Variants in XDH observed in about 807,000 individuals in gnomAD.
The protein encoded by XDH is xanthine dehydrogenase, also known as xanthine dehydrogenase/oxidase.
A neutral mutation model predicts 156.1 loss-of-function variants in XDH; 138 were observed. The observed-to-expected ratio is 0.88, with a 90% confidence interval of 0.77 to 1.02. XDH has a LOEUF of 1.02. Ranked by LOEUF, XDH falls within the 50% of genes least tolerant of loss-of-function variation. The probability of loss-of-function intolerance (pLI) is 0.00; values close to 1 mark genes in which losing one functional copy is unlikely to be tolerated. For synonymous variants in XDH, 669 were observed against 625.7 expected (o/e 1.07, Z -1.03); for missense variants, 1,849 against 1,684.9 (o/e 1.10, Z -1.71).
At chr2:31,350,700 C>T (rs1215603470) in intron 24 of XDH, among the ~76,000 whole-genome samples, 1 of 152,196 alleles carries the variant, frequency 6.6e-6, no homozygotes, top group Non-Finnish European at 1.5e-5. Context: ...TATCCACCCA[C>T]TAGTCCCCTC....
At chr2:31,348,795 G>T in intron 27 of XDH, 104 bp downstream of exon 27, 2 of 1,006,184 alleles carry the variant, frequency 2.0e-6, no homozygotes, top group Non-Finnish European at 3.1e-6. Context: ...CCTCCAGTAA[G>T]CCCTGTTACC....
intron 1 of XDH, among the ~76,000 whole-genome samples, chr2:31,412,826 T>A (rs1040281634): frequency 6.6e-6 from 1 of 152,212 alleles, no homozygotes; most frequent in African/African-American, 2.4e-5. Flanking sequence ...CTTTCTGCAT[T>A]GCCCCTCTAC....
chr2:31,383,658 A>G lies in XDH; in HGVS notation c.886+97T>C, dbSNP rs1686502896. On this transcript the variant is annotated intron_variant, in intron 10 of 35. Coordinates refer to ENST00000379416, the MANE Select transcript of XDH (RefSeq NM_000379.4). ...CCCAGGAGAAGCAGGGGGCAGCCAG[A>G]GCCAGTGGGGAGACCACCCTGATAC... 3.4e-6 allele frequency: 4 copies of G among 1,162,592 alleles called. No homozygotes were observed. The South Asian group carries it at 5.2e-5, about 15-fold the overall frequency. The allele number at this position is 1,162,592 out of a possible 1,614,324, so 72.0% of individuals were successfully genotyped here. A position where few individuals can be genotyped will look rare whatever the true frequency, so the allele number is the denominator to read the frequency against.
intron 3 of XDH, among the ~76,000 whole-genome samples, chr2:31,401,784 A>T (rs908752594): frequency 2.0e-5 from 3 of 152,344 alleles, no homozygotes; most frequent in Non-Finnish European, 2.9e-5. Flanking sequence ...CTGTGGGGAA[A>T]GGGGGAGGAA....
intron 24 of XDH, among the ~76,000 whole-genome samples, chr2:31,350,581 G>A (rs531496456): frequency 4.6e-5 from 7 of 151,868 alleles, no homozygotes; most frequent in South Asian, 2.1e-4. Context: ...TCACCATGTT[G>A]GCCTGGAAGG....
chr2:31,395,543 T>C (rs1686879857), intron 6 of XDH, among the ~76,000 whole-genome samples: 2 of 152,198 alleles, frequency 1.3e-5, no homozygotes, highest in African/African-American at 4.8e-5. Context: ...CTCCAACATT[T>C]ACTGTGAGGA....
chr2:31,360,777 G>A (rs1685756246), intron 24 of XDH, among the ~76,000 whole-genome samples: 2 of 151,988 alleles, frequency 1.3e-5, no homozygotes, highest in African/African-American at 2.4e-5. Flanking sequence ...TATAACAAGG[G>A]GTTCAGTACT....
chr2:31,383,828 C>G lies in XDH; in HGVS notation c.813G>C (p.Lys271Asn), dbSNP rs1292172865. The G allele has an allele frequency of 6.2e-7, 1 of 1,614,068 alleles. No homozygotes were observed. Among genetic ancestry groups the G allele is most frequent in the Non-Finnish European group, 8.5e-7 (1 of 1,180,014 alleles). Residue 271 changes from lysine (K) to asparagine (N), a missense_variant, in exon 10 of 36, where the codon AAG (lysine) becomes AAC (asparagine). By Grantham distance (94) the Lys-to-Asn change is moderately conservative. Transcript: ENST00000379416. ...NTEIGIEMKF[K>N]NMLFPMIVCP... is the part of the protein sequence containing the mutation. ...AGACAATCATAGGAAACAGCATATT[C>G]TTGAACTTCATCTCAATGCCTAGAG...
intron 9 of XDH, among the ~76,000 whole-genome samples, chr2:31,385,030 A>G (rs1686549428): frequency 6.6e-6 from 1 of 152,126 alleles, no homozygotes; most frequent in Non-Finnish European, 1.5e-5. Context: ...TTGGAATCCA[A>G]CTGGGCCCAG....
At chr2:31,407,150 C>T (rs541022867) in intron 1 of XDH, among the ~76,000 whole-genome samples, 123 of 152,282 alleles carry the variant, frequency 8.1e-4, no homozygotes, top group African/African-American at 2.9e-3. Context: ...GGAATATTTG[C>T]CTCCCACCTC....
intron 6 of XDH, among the ~76,000 whole-genome samples, chr2:31,390,445 C>A (rs45557137): frequency 6.6e-6 from 1 of 152,172 alleles, no homozygotes; most frequent in Non-Finnish European, 1.5e-5. Flanking sequence ...TAAGTTTTGG[C>A]AATTATGAGT....
rs1470415877 is a variant in XDH at position 31,366,910 on chromosome 2, A to T, written c.2282T>A (p.Met761Lys). 1.2e-6 allele frequency: 2 copies of T among 1,614,222 alleles called. No homozygotes were observed. The highest frequency in any genetic ancestry group is 3.3e-5 in the Admixed American group (2 of 60,034). ...IAVPKGEAGE[M>K]ELFVSTQNTM... ...GTTCTGTGTAGACACAAAGAGCTCC[A>T]TCTCCCCTGCCTCGCCTTTTGGAAC... The change falls in exon 21 of 36, where the codon ATG (methionine) becomes AAG (lysine). Residue 761 changes from methionine to lysine, a missense_variant. Coordinates refer to ENST00000379416, the MANE Select transcript of XDH (RefSeq NM_000379.4).
At chr2:31,352,951 C>T (rs1685522796) in intron 24 of XDH, among the ~76,000 whole-genome samples, 1 of 148,600 alleles carries the variant, frequency 6.7e-6, no homozygotes, top group Admixed American at 6.8e-5. Flanking sequence ...GAACTCCTGA[C>T]CTCAAGTGAT....
intron 24 of XDH, among the ~76,000 whole-genome samples, chr2:31,351,255 TA>T (rs1330111552): frequency 3.3e-5 from 5 of 152,208 alleles, no homozygotes; most frequent in African/African-American, 9.7e-5. Flanking sequence ...CTCTTGATAA[TA>T]TTTTTTTCAC....
chr2:31,414,706 C>A lies in XDH; in HGVS notation c.-40G>T. 6.2e-7 allele frequency: 1 copy of A among 1,613,364 alleles called. No homozygotes were observed. Among genetic ancestry groups the A allele is most frequent in the Non-Finnish European group, 8.5e-7 (1 of 1,179,316 alleles). ...GTCCCCGAACTCCAGGTACCTCACT[C>A]CTAAGAGACACTGGCAGGTAGTTAT... On this transcript the variant is annotated 5_prime_UTR_variant, in exon 1 of 36. Coordinates refer to ENST00000379416, the MANE Select transcript of XDH (RefSeq NM_000379.4).
intron 24 of XDH, among the ~76,000 whole-genome samples, chr2:31,356,266 A>G (rs1685618819): frequency 1.3e-5 from 2 of 152,208 alleles, no homozygotes; most frequent in African/African-American, 4.8e-5. Context: ...CACCATCAGG[A>G]TCTAGTGGAT....
chr2:31,408,983 A>T (rs1437057963), intron 1 of XDH, among the ~76,000 whole-genome samples: 1 of 152,244 alleles, frequency 6.6e-6, no homozygotes, highest in Non-Finnish European at 1.5e-5. Flanking sequence ...TGTCATTTGC[A>T]ACAACATGGA....
At chr2:31,387,333 G>A (rs1347185668) in intron 8 of XDH, among the ~76,000 whole-genome samples, 1 of 152,102 alleles carries the variant, frequency 6.6e-6, no homozygotes, top group African/African-American at 2.4e-5. Flanking sequence ...GGTGTGAGGG[G>A]GTTTCCTTAA....
intron 9 of XDH, among the ~76,000 whole-genome samples, chr2:31,385,518 T>G (rs796683010): frequency 6.6e-6 from 1 of 152,216 alleles, no homozygotes; most frequent in Non-Finnish European, 1.5e-5. Context: ...AGGACCTGAC[T>G]GCTTAGAAGG....
Sources: allele counts gnomAD v4.1 joint callset (sites outside exome capture counted in the v4.1 genomes callset), GRCh38; gene constraint gnomAD v4.1.1; transcripts MANE v1.5; gene names NCBI Gene and HGNC (gene_info 2026-07-23, HGNC 2026-07-21).